Variants in IL26 observed in about 807,000 individuals in gnomAD.
The protein encoded by IL26 is interleukin-26.
In IL26, 23 loss-of-function variants were observed where a neutral mutation model predicts 21.7. That is an observed-to-expected ratio of 1.06 (90% confidence interval 0.76 to 1.50). The LOEUF is 1.50. IL26 is among the 40% of genes most tolerant of loss of function. The pLI is 0.00. For missense variants in IL26, 204 were observed against 196.0 expected, an observed-to-expected ratio of 1.04 and a Z score of -0.24; for synonymous variants, 63 against 67.8, an observed-to-expected ratio of 0.93 and a Z score of 0.34.
At chr12:68,220,473 G>T (rs1024259424) in intron 3 of IL26, among the ~76,000 whole-genome samples, 3 of 152,044 alleles carry the variant, frequency 2.0e-5, no homozygotes, top group Non-Finnish European at 2.9e-5. Context: ...GTGTTAAAAA[G>T]GCATTGATCT....
chr12:68,224,624 G>T (rs78738503), intron 3 of IL26, among the ~76,000 whole-genome samples: 1 of 148,858 alleles, frequency 6.7e-6, no homozygotes, highest in African/African-American at 2.5e-5. Flanking sequence ...AGAAAGAAAA[G>T]GAAGTAAAGA....
intron 3 of IL26, among the ~76,000 whole-genome samples, chr12:68,224,103 C>A (rs1869154184): frequency 6.6e-6 from 1 of 150,880 alleles, no homozygotes; most frequent in Non-Finnish European, 1.5e-5. Context: ...ATGAAGAGCT[C>A]CTTTCCAACT....
rs1482303768 is a variant in IL26, at chr12:68,225,733, C to T, written c.24G>A (p.Arg8=). Residue 8 remains arginine, a synonymous_variant, in exon 1 of 5, where the codon AGG becomes AGA. Transcript: ENST00000229134. ...ACAGAGTGACTAACAGCAACCCACA[C>T]CTCAAAATGAAATTCACCAGCATTT... MLVNFIL[R]CGLLLVTLSL... 6.2e-7 allele frequency: 1 copy of T among 1,613,942 alleles called. No homozygotes were observed. Among genetic ancestry groups the T allele is most frequent in the Admixed American group, 1.7e-5 (1 of 60,012 alleles).
At chr12:68,220,481 TC>T (rs1321640700) in intron 3 of IL26, among the ~76,000 whole-genome samples, 2 of 152,196 alleles carry the variant, frequency 1.3e-5, no homozygotes, top group Admixed American at 6.5e-5. Context: ...AAGGCATTGA[TC>T]TAAATGTGAT....
chr12:68,224,658 GAA>G (rs901402326), intron 3 of IL26, among the ~76,000 whole-genome samples: 3 of 138,496 alleles, frequency 2.2e-5, no homozygotes, highest in Non-Finnish European at 3.1e-5. Context: ...GGAAAAGAAA[GAA>G]AGAGAGAGGG....
rs1375827119 is a variant in IL26 at position 68,201,879 on chromosome 12, G to A, written c.482C>T (p.Ser161Phe). 6.3e-7 allele frequency: 1 copy of A among 1,599,952 alleles called. No homozygotes were observed. ...KAISELDILLSWIKKLLESSQ is the reference protein window; with the variant it reads ...KAISELDILLFWIKKLLESSQ ...GCTTTCCAATAATTTTTTAATCCAG[G>A]AAAGAAGAATATCCAGTTCACTGAT... The change falls in exon 5 of 5, where the codon TCC (serine) becomes TTC (phenylalanine). Residue 161 changes from serine (S) to phenylalanine (F), a missense_variant. Ser to Phe is a radical substitution (Grantham distance 155). Transcript: ENST00000229134.
At chr12:68,204,959 C>T (rs11571055) in intron 3 of IL26, among the ~76,000 whole-genome samples, 3,327 of 150,004 alleles carry the variant, frequency 0.022, 101 homozygotes, top group African/African-American at 0.068. Context: ...CTAGCTGCAG[C>T]GGCTGAAATT....
Position 68,219,442 on chromosome 12 carries a change from G to GA in IL26, c.363+5706dup, listed in dbSNP as rs11571006. ...CTCTTCTAATAACCCATATATAAAA[G>GA]AAAAAATAAAAAGGGAAATTAGCAA... On this transcript the variant is annotated intron_variant, in intron 3 of 4. Coordinates refer to ENST00000229134, the MANE Select transcript of IL26 (RefSeq NM_018402.2). 2.3e-3 allele frequency among the ~76,000 whole-genome samples: 344 copies of GA among 151,054 alleles called. 1 individual carries two copies. The highest frequency in any genetic ancestry group is 7.8e-3 in the African/African-American group (322 of 41,270).
chr12:68,220,803 A>G (rs1869024458), intron 3 of IL26, among the ~76,000 whole-genome samples: 2 of 152,116 alleles, frequency 1.3e-5, no homozygotes, highest in African/African-American at 2.4e-5. Context: ...CGCCTGGCTA[A>G]TTTTTGTATT....
intron 4 of IL26, 29 bp downstream of exon 4, chr12:68,201,989 T>G: frequency 6.5e-7 from 1 of 1,545,308 alleles, no homozygotes; most frequent in Non-Finnish European, 8.8e-7. Context: ...AAAACAAAGT[T>G]TTTTAATATA....
chr12:68,214,326 T>C (rs1868813639), intron 3 of IL26, among the ~76,000 whole-genome samples: 1 of 152,186 alleles, frequency 6.6e-6, no homozygotes, highest in Admixed American at 6.5e-5. Flanking sequence ...GTGTATTCTG[T>C]AGCAGTTGGG....
intron 3 of IL26, among the ~76,000 whole-genome samples, chr12:68,208,109 T>A (rs548436444): frequency 6.6e-6 from 1 of 152,280 alleles, no homozygotes; most frequent in East Asian, 1.9e-4. Context: ...CCTCACAGTC[T>A]GCCAAGACAC....
chr12:68,223,889 T>TTTTTTTTTTTTTTTTTCTTG, intron 3 of IL26, among the ~76,000 whole-genome samples: 1 of 150,956 alleles, frequency 6.6e-6, no homozygotes, highest in Non-Finnish European at 1.5e-5. Context: ...TGGTGGTTTT[T>TTTTTTTTTTTTTTTTTCTTG]TTTTTTTTTT....
intron 2 of IL26, 61 bp from the exon 3 acceptor site, chr12:68,225,344 C>T (rs1021847969): frequency 4.0e-5 from 62 of 1,550,236 alleles, no homozygotes; most frequent in Middle Eastern, 1.7e-4. Flanking sequence ...TAATGTCCCC[C>T]GATCATTACT....
At chr12:68,205,743 T>C (rs1868522661) in intron 3 of IL26, among the ~76,000 whole-genome samples, 1 of 152,212 alleles carries the variant, frequency 6.6e-6, no homozygotes, top group African/African-American at 2.4e-5. Context: ...AAAATATTTC[T>C]ATACAGTACT....
intron 3 of IL26, among the ~76,000 whole-genome samples, chr12:68,202,337 CA>C (rs2120413647): frequency 6.6e-6 from 1 of 152,282 alleles, no homozygotes; most frequent in South Asian, 2.1e-4. Context: ...AACTCTATGA[CA>C]GGGATTTATA....
At chr12:68,222,473 T>C (rs1869080505) in intron 3 of IL26, among the ~76,000 whole-genome samples, 1 of 152,242 alleles carries the variant, frequency 6.6e-6, no homozygotes, top group South Asian at 2.1e-4. Flanking sequence ...GCACTACCAA[T>C]GCAGCATTCA....
intron 3 of IL26, among the ~76,000 whole-genome samples, chr12:68,205,342 A>G (rs1163747334): frequency 1.4e-5 from 2 of 141,554 alleles, no homozygotes; most frequent in African/African-American, 5.2e-5. Context: ...CCCCCCCCAA[A>G]TTAAACTAAT....
At chr12:68,203,132 G>A (rs553354836) in intron 3 of IL26, among the ~76,000 whole-genome samples, 1 of 152,324 alleles carries the variant, frequency 6.6e-6, no homozygotes, top group African/African-American at 2.4e-5. Context: ...AGAAGCAGCA[G>A]GCTAGTATCT....
Sources: gnomAD v4.1 joint callset for allele counts (sites outside exome capture counted in the v4.1 genomes callset) on GRCh38, gnomAD v4.1.1 for gene constraint, MANE v1.5 for transcripts, NCBI Gene and HGNC (gene_info 2026-07-23, HGNC 2026-07-21) for gene names.